SLC25A26: variants seen among roughly 807,000 people sequenced by gnomAD.
The protein encoded by SLC25A26 is solute carrier family 25 member 26, also known as mitochondrial S-adenosylmethionine carrier protein.
A neutral mutation model predicts 37.8 loss-of-function variants in SLC25A26; 36 were observed. The ratio of observed to expected loss-of-function variants is 0.95; its 90% CI spans 0.73 to 1.26. SLC25A26 has a LOEUF of 1.26. Ranked by LOEUF, SLC25A26 falls within the 50% of genes most tolerant of loss-of-function variation. The pLI is 0.00. For missense variants in SLC25A26, 390 were observed against 331.1 expected (o/e 1.18, Z -1.38); for synonymous variants, 129 against 122.5 (o/e 1.05, Z -0.35).
At chr3:66,348,807 G>A (rs1357048361) in intron 6 of SLC25A26, among the ~76,000 whole-genome samples, 4 of 152,014 alleles carry the variant, frequency 2.6e-5, no homozygotes, top group South Asian at 2.1e-4. Flanking sequence ...TTGTTTTACT[G>A]TTTCCTATGT....
chr3:66,220,688 C>A (rs532232545), upstream of SLC25A26: 2 of 271,006 alleles, frequency 7.4e-6, no homozygotes, highest in East Asian at 2.4e-4. Flanking sequence ...GAGGTTAGTA[C>A]TACCCCTCAC....
At position 66,321,929 on chromosome 3, in the gene SLC25A26, A is replaced by T. The variant is rs184443644; in HGVS notation, c.454-24435A>T. 3.9e-5 allele frequency among the ~76,000 whole-genome samples: 6 copies of T among 152,220 alleles called. No homozygotes were observed. In the East Asian group the frequency reaches 1.2e-3, roughly 29 times the overall value. On this transcript the variant is annotated intron_variant, in intron 5 of 9. Coordinates refer to ENST00000354883, the MANE Select transcript of SLC25A26 (RefSeq NM_001379210.1). The stretch of plus-strand genomic sequence containing the variant: ...CTGGAGGCTAGGAAGTCCAAGACTG[A>T]GGGACCAAACTCGCCCTTTTATATG...
intron 5 of SLC25A26, among the ~76,000 whole-genome samples, chr3:66,339,039 G>A (rs1175104997): frequency 6.6e-6 from 1 of 152,070 alleles, no homozygotes; most frequent in Non-Finnish European, 1.5e-5. Flanking sequence ...TGGGATGCAA[G>A]TGTCTGTTTG....
intron 5 of SLC25A26, among the ~76,000 whole-genome samples, chr3:66,296,417 T>G (rs1382004081): frequency 1.3e-5 from 2 of 152,230 alleles, no homozygotes; most frequent in South Asian, 4.1e-4. Flanking sequence ...TATACATGCA[T>G]TTGCTTTATT....
chr3:66,340,431 C>T (rs2076182853), intron 5 of SLC25A26, among the ~76,000 whole-genome samples: 1 of 151,996 alleles, frequency 6.6e-6, no homozygotes, highest in Non-Finnish European at 1.5e-5. Context: ...ATTAATTTTT[C>T]TAAAGTTTTT....
intron 1 of SLC25A26, among the ~76,000 whole-genome samples, chr3:66,230,721 A>G (rs1167073810): frequency 2.1e-5 from 3 of 145,690 alleles, no homozygotes; most frequent in Admixed American, 1.4e-4. Context: ...GGGAGAATCA[A>G]TTGAACCTGG....
chr3:66,296,879 G>T (rs1157515224), intron 5 of SLC25A26, among the ~76,000 whole-genome samples: 4 of 152,172 alleles, frequency 2.6e-5, no homozygotes, highest in Non-Finnish European at 4.4e-5. Flanking sequence ...AGAAGTCCTC[G>T]ATTCTGTTTT....
chr3:66,281,958 G>A (rs2074355451), intron 5 of SLC25A26, among the ~76,000 whole-genome samples: 1 of 147,942 alleles, frequency 6.8e-6, no homozygotes. Flanking sequence ...GAGTAACTGG[G>A]ATTACAGGCA....
intron 5 of SLC25A26, among the ~76,000 whole-genome samples, chr3:66,322,012 C>T (rs1212326246): frequency 1.3e-5 from 2 of 152,070 alleles, no homozygotes; most frequent in East Asian, 3.9e-4. Context: ...CCCCCATGAC[C>T]CAAGTACCTC....
chr3:66,271,413 A>G (rs1355885674), intron 5 of SLC25A26, among the ~76,000 whole-genome samples: 5 of 152,118 alleles, frequency 3.3e-5, no homozygotes, highest in African/African-American at 4.8e-5. Flanking sequence ...TAATTGACTC[A>G]TGGTCACAAA....
At chr3:66,233,748 A>G (rs2072141260) in intron 1 of SLC25A26, among the ~76,000 whole-genome samples, 2 of 152,118 alleles carry the variant, frequency 1.3e-5, no homozygotes, top group African/African-American at 4.8e-5. Flanking sequence ...GTTATATAGA[A>G]GTTTGAAATC....
At chr3:66,375,511 A>G (rs1394059333) in intron 9 of SLC25A26, among the ~76,000 whole-genome samples, 1 of 152,172 alleles carries the variant, frequency 6.6e-6, no homozygotes, top group Non-Finnish European at 1.5e-5. Flanking sequence ...TGCAGCTGGT[A>G]TCTTTAAGTT....
At chr3:66,377,650 A>T (rs768790822) in intron 9 of SLC25A26, 40 bp from the exon 10 acceptor site, 2 of 1,514,576 alleles carry the variant, frequency 1.3e-6, no homozygotes, top group South Asian at 2.3e-5. Context: ...ACCTTTTTTT[A>T]AAATACGCAC....
chr3:66,146,946 T>G (rs1288511340), intron 1 of SLC25A26, among the ~76,000 whole-genome samples: 1 of 152,044 alleles, frequency 6.6e-6, no homozygotes, highest in East Asian at 1.9e-4. Context: ...CATTCCTGAG[T>G]CACTTCACTT....
At chr3:66,188,836 AC>A (rs2070881219) in intron 1 of SLC25A26, among the ~76,000 whole-genome samples, 1 of 151,890 alleles carries the variant, frequency 6.6e-6, no homozygotes, top group African/African-American at 2.4e-5. Context: ...TTGATAATCA[AC>A]CTGACCAGAC....
rs1169750069 is a variant in SLC25A26 at position 66,150,603 on chromosome 3, G to GATATAT, written c.-354+16666_-354+16671dup. Among the ~76,000 whole-genome samples the GATATAT allele has an allele frequency of 1.8e-3, 48 of 26,100 alleles. 1 individual carries two copies. Among genetic ancestry groups the GATATAT allele is most frequent in the Non-Finnish European group, 2.1e-3 (28 of 13,470 alleles). 17.1% of individuals were successfully genotyped at this position (26,100 alleles called of 152,430 possible). On this transcript the variant is annotated intron_variant, in intron 1 of 10. Transcript: ENST00000676754. ...ATATCATGATATATATATGTAATGA[G>GATATAT]ATATATATATATATATATATATATA...
At chr3:66,352,891 C>T (rs967034870) in intron 6 of SLC25A26, among the ~76,000 whole-genome samples, 7 of 152,158 alleles carry the variant, frequency 4.6e-5, no homozygotes, top group Non-Finnish European at 2.9e-5. Flanking sequence ...AGGACTTTCC[C>T]CTCCTCCCTC....
chr3:66,376,557 T>C (rs1700658153), intron 9 of SLC25A26, among the ~76,000 whole-genome samples: 1 of 152,238 alleles, frequency 6.6e-6, no homozygotes, highest in Non-Finnish European at 1.5e-5. Flanking sequence ...TAAAGCATTT[T>C]AAAATTAAGG....
At chr3:66,155,656 T>A (rs182850172) in intron 1 of SLC25A26, among the ~76,000 whole-genome samples, 1 of 152,216 alleles carries the variant, frequency 6.6e-6, no homozygotes, top group Non-Finnish European at 1.5e-5. Flanking sequence ...ACCAAACTAA[T>A]GTGAATTGAA....
Sources: gnomAD v4.1 joint callset for allele counts (sites outside exome capture counted in the v4.1 genomes callset) on GRCh38, gnomAD v4.1.1 for gene constraint, MANE v1.5 for transcripts, NCBI Gene and HGNC (gene_info 2026-07-23, HGNC 2026-07-21) for gene names.